PAM: variants seen among roughly 807,000 people sequenced by gnomAD.
The protein encoded by PAM is peptidylglycine alpha-amidating monooxygenase, also known as peptidyl-glycine alpha-amidating monooxygenase.
Under a neutral mutation model 122.1 loss-of-function variants are expected in PAM, and 72 were observed. The ratio of observed to expected loss-of-function variants is 0.59; its 90% CI spans 0.49 to 0.72. The LOEUF is 0.72. PAM is among the 30% of genes least tolerant of loss of function. The probability of loss-of-function intolerance (pLI) is 0.00; values close to 1 mark genes in which losing one functional copy is unlikely to be tolerated. For synonymous variants in PAM, 389 were observed against 404.4 expected (o/e 0.96, Z 0.46); for missense variants, 1,106 against 1,183.7 (o/e 0.93, Z 0.96).
At position 102,974,059 on chromosome 5, in the gene PAM, T is replaced by C; in HGVS notation, c.1163-57T>C. 1.6e-5 allele frequency: 20 copies of C among 1,235,886 alleles called. No individual in the cohort carries two copies. The South Asian group carries it at 2.8e-4, about 18-fold the overall frequency. The allele number at this position is 1,235,886 out of a possible 1,614,324, so 76.6% of individuals were successfully genotyped here. A position where few individuals can be genotyped will look rare whatever the true frequency, so the allele number is the denominator to read the frequency against. Reference sequence around the variant, plus strand: ...ATATTTTTTAAAGCACCAAATTTTGTAAATTTTGCAATCTTATCTACCCTC... The same window carrying C: ...ATATTTTTTAAAGCACCAAATTTTGCAAATTTTGCAATCTTATCTACCCTC... On this transcript the variant is annotated intron_variant, in intron 14 of 25. Coordinates refer to ENST00000438793, the MANE Select transcript of PAM (RefSeq NM_001177306.2).
rs1173894826 is a variant in PAM at position 102,780,749 on chromosome 5, CTTTCTCTTTCTTTCTT to C, written c.-374+25403_-374+25418del. 5.2e-3 allele frequency among the ~76,000 whole-genome samples: 770 copies of C among 149,358 alleles called. 12 individuals are homozygous for C. Among genetic ancestry groups the C allele is most frequent in the East Asian group, 0.019 (94 of 4,976 alleles). ...TCTTAACCTCAGCACCTTTTTCTTT[CTTTCTCTTTCTTTCTT>C]TCTTTCTTTCTTTCTTTCTTTCTTT... On this transcript the variant is annotated intron_variant, in intron 1 of 25. Transcript: ENST00000438793.
At chr5:102,954,471 T>G (rs576479311) in intron 12 of PAM, among the ~76,000 whole-genome samples, 61 of 151,812 alleles carry the variant, frequency 4.0e-4, no homozygotes, top group African/African-American at 1.4e-3. Flanking sequence ...GTAGGTATAT[T>G]TAATATGAGA....
At chr5:102,856,519 A>G (rs1232074764) in intron 1 of PAM, among the ~76,000 whole-genome samples, 1 of 152,206 alleles carries the variant, frequency 6.6e-6, no homozygotes, top group Non-Finnish European at 1.5e-5. Flanking sequence ...ACAGTAAAAT[A>G]TGCCAGCATT....
chr5:102,993,174 G>A (rs7714539), intron 16 of PAM, among the ~76,000 whole-genome samples: 39,249 of 151,776 alleles, frequency 0.26, 5,664 homozygotes, highest in East Asian at 0.44. Context: ...CTTCAATATC[G>A]CTTCTCTTCT....
At position 103,007,520 on chromosome 5, in the gene PAM, C is replaced by T. The variant is rs770736888; in HGVS notation, c.2078C>T (p.Pro693Leu). Residue 693 changes from proline (P) to leucine (L), a missense_variant, in exon 20 of 26, where the codon CCT becomes CTT. By Grantham distance (98) the Pro-to-Leu change is moderately conservative. Around this residue, in one of 3 missense-constraint regions of PAM, gnomAD observed 103 missense variants for 157.9 expected, o/e 0.65. Transcript: ENST00000438793. ...FTVPHSLALV[P>L]LLGQLCVADR... ...GTTCCTCACAGCTTGGCTCTTGTGC[C>T]TCTTTTGGGCCAATTATGTGTGGCA... 149 of 1,613,920 alleles carry T rather than the reference C, an allele frequency of 9.2e-5. No homozygotes were observed. Among genetic ancestry groups the T allele is most frequent in the Non-Finnish European group, 1.2e-4 (146 of 1,179,978 alleles).
chr5:102,891,894 T>C (rs1362034129), intron 3 of PAM, among the ~76,000 whole-genome samples: 1 of 151,882 alleles, frequency 6.6e-6, no homozygotes, highest in Admixed American at 6.6e-5. Flanking sequence ...CTTAGAATGC[T>C]GTCAGGACCT....
intron 1 of PAM, among the ~76,000 whole-genome samples, chr5:102,785,423 T>C (rs1238754042): frequency 6.6e-6 from 1 of 152,214 alleles, no homozygotes; most frequent in African/African-American, 2.4e-5. Context: ...CGTGGGAGAC[T>C]GAATAAATAA....
At chr5:102,785,750 T>C (rs1461483164) in intron 1 of PAM, among the ~76,000 whole-genome samples, 1 of 152,126 alleles carries the variant, frequency 6.6e-6, no homozygotes, top group Admixed American at 6.6e-5. Flanking sequence ...TAAGGTGTCT[T>C]CAAGCATCTA....
intron 3 of PAM, among the ~76,000 whole-genome samples, chr5:102,881,813 C>T (rs1042979394): frequency 6.6e-6 from 1 of 150,688 alleles, no homozygotes; most frequent in African/African-American, 2.4e-5. Context: ...TACACTGTAC[C>T]CAGTGTGTAG....
intron 1 of PAM, among the ~76,000 whole-genome samples, chr5:102,766,926 A>ATTTTTTTTTTT: frequency 0.018 from 471 of 25,856 alleles, 162 homozygotes; most frequent in East Asian, 0.041. Context: ...TCAGTTGTGG[A>ATTTTTTTTTTT]TTTTTTTTTT....
chr5:102,951,818 A>C (rs1009455580), intron 12 of PAM, among the ~76,000 whole-genome samples: 2 of 152,166 alleles, frequency 1.3e-5, no homozygotes, highest in East Asian at 3.9e-4. Context: ...TTACAGAAAT[A>C]GTTTCCAACA....
chr5:102,888,012 T>A (rs1349468606), intron 3 of PAM, among the ~76,000 whole-genome samples: 1 of 152,046 alleles, frequency 6.6e-6, no homozygotes, highest in Non-Finnish European at 1.5e-5. Context: ...CAGGGTAACC[T>A]TCACAAATGC....
At chr5:102,962,954 T>C (rs1490197206) in intron 14 of PAM, among the ~76,000 whole-genome samples, 1 of 151,846 alleles carries the variant, frequency 6.6e-6, no homozygotes, top group African/African-American at 2.4e-5. Flanking sequence ...TCCTGCAGTT[T>C]CTATTTTCTT....
intron 7 of PAM, among the ~76,000 whole-genome samples, chr5:102,934,633 T>TG (rs900686002): frequency 6.6e-6 from 1 of 152,156 alleles, no homozygotes; most frequent in African/African-American, 2.4e-5. Flanking sequence ...TGCAAATGCT[T>TG]GGGGGCAGAT....
intron 1 of PAM, among the ~76,000 whole-genome samples, chr5:102,789,860 A>C (rs2431529): frequency 6.6e-6 from 1 of 151,886 alleles, no homozygotes; most frequent in Admixed American, 6.6e-5. Flanking sequence ...AAGTAATAAA[A>C]TGCTTCCAGT....
chr5:102,838,785 C>G (rs1287014976), intron 1 of PAM, among the ~76,000 whole-genome samples: 1 of 152,126 alleles, frequency 6.6e-6, no homozygotes, highest in African/African-American at 2.4e-5. Flanking sequence ...TCATGAATGT[C>G]TAATTCTGCA....
At chr5:103,030,947 A>T (rs900864189), downstream of PAM, 6 of 152,216 alleles carry the variant, frequency 3.9e-5, no homozygotes, top group African/African-American at 1.2e-4. Flanking sequence ...CTATATTTTC[A>T]CATAAATTAT....
rs991139628 is a variant in PAM at position 102,926,472 on chromosome 5, T to C, written c.443-113T>C. 16 of 649,692 alleles carry C rather than the reference T, an allele frequency of 2.5e-5. No homozygotes were observed. The Admixed American group carries it at 3.8e-4, about 16-fold the overall frequency. 40.2% of individuals were successfully genotyped at this position (649,692 alleles called of 1,614,324 possible). The stretch of plus-strand genomic sequence containing the variant: ...GGTATATTTCTGTTTTCATATAATA[T>C]AATTTTATATGTTATATGTTATTTC... On this transcript the variant is annotated intron_variant, in intron 6 of 25. Coordinates refer to ENST00000438793, the MANE Select transcript of PAM (RefSeq NM_001177306.2).
chr5:102,805,849 G>A (rs185484360), intron 1 of PAM, among the ~76,000 whole-genome samples: 1 of 152,284 alleles, frequency 6.6e-6, no homozygotes, highest in Admixed American at 6.5e-5. Context: ...GGGAATGGAG[G>A]TTGGATAAAT....
Sources: gnomAD v4.1 joint callset for allele counts (sites outside exome capture counted in the v4.1 genomes callset) on GRCh38, gnomAD v4.1.1 for gene constraint, gnomAD v4.1.1 regional missense constraint, MANE v1.5 for transcripts, NCBI Gene and HGNC (gene_info 2026-07-23, HGNC 2026-07-21) for gene names.